Variants in PUS10 observed in about 807,000 individuals in gnomAD.
The protein encoded by PUS10 is pseudouridine synthase 10.
A neutral mutation model predicts 75.0 loss-of-function variants in PUS10; 59 were observed. That is an observed-to-expected ratio of 0.79 (90% CI 0.64 to 0.98). The LOEUF is 0.98. Ranked by LOEUF, PUS10 falls within the 50% of genes least tolerant of loss-of-function variation. The probability of loss-of-function intolerance (pLI) is 0.00; values close to 1 mark genes in which losing one functional copy is unlikely to be tolerated. For missense variants in PUS10, 650 were observed against 614.4 expected (o/e 1.06, Z -0.61); for synonymous variants, 219 against 211.6 (o/e 1.03, Z -0.30).
chr2:60,991,205 T>C (rs1012445994), intron 4 of PUS10, among the ~76,000 whole-genome samples: 4 of 151,962 alleles, frequency 2.6e-5, no homozygotes, highest in Non-Finnish European at 5.9e-5. Flanking sequence ...AAACAAAAAC[T>C]AAACTAAAGG....
chr2:60,944,193 G>T, intron 17 of PUS10: 1 of 982,292 alleles, frequency 1.0e-6, no homozygotes, highest in South Asian at 4.7e-5. Context: ...CCAAATGATA[G>T]TTTCACTGAA....
intron 4 of PUS10, among the ~76,000 whole-genome samples, chr2:61,001,289 C>A (rs556812402): frequency 6.9e-6 from 1 of 144,218 alleles, no homozygotes; most frequent in Admixed American, 6.9e-5. Context: ...TAAGCCACCT[C>A]TTCTTTTTTT....
chr2:60,942,718 T>G (rs1400853974), intron 17 of PUS10, among the ~76,000 whole-genome samples: 1 of 152,110 alleles, frequency 6.6e-6, no homozygotes, highest in African/African-American at 2.4e-5. Flanking sequence ...AAATGGTATT[T>G]ATGGGGCCAG....
intron 4 of PUS10, among the ~76,000 whole-genome samples, chr2:61,005,249 G>A (rs891083231): frequency 1.3e-5 from 2 of 152,032 alleles, no homozygotes; most frequent in Admixed American, 6.6e-5. Flanking sequence ...CAACAAGAAC[G>A]AAACTCCGTC....
chr2:60,982,662 T>G (rs959518754), intron 4 of PUS10, among the ~76,000 whole-genome samples: 1 of 152,116 alleles, frequency 6.6e-6, no homozygotes, highest in Non-Finnish European at 1.5e-5. Flanking sequence ...TAACAACATT[T>G]CAAGAAACAA....
chr2:60,980,737 T>TTA (rs749265447), intron 4 of PUS10, among the ~76,000 whole-genome samples: 5 of 152,190 alleles, frequency 3.3e-5, no homozygotes, highest in African/African-American at 1.2e-4. Context: ...TAAAATGTAA[T>TTA]TATATATATA....
intron 4 of PUS10, among the ~76,000 whole-genome samples, chr2:60,972,539 TTC>T (rs1222160079): frequency 6.6e-6 from 1 of 152,120 alleles, no homozygotes; most frequent in Non-Finnish European, 1.5e-5. Context: ...ACACTGAGAT[TTC>T]TGTTTCCTGT....
At position 60,941,181 on chromosome 2, in the gene PUS10, A is replaced by C. The variant is rs554366813; in HGVS notation, c.*1214T>G. The C allele has an allele frequency of 5.7e-4, 87 of 152,318 alleles. No homozygotes were observed. The highest frequency in any genetic ancestry group is 1.8e-3 in the Admixed American group (27 of 15,296). The allele number at this position is 152,318 out of a possible 1,614,324, so 9.4% of individuals were successfully genotyped here. On this transcript the variant is annotated 3_prime_UTR_variant, in exon 18 of 18. Transcript: ENST00000316752. ...CTTAAATGACCCATTCATTTTTTTT[A>C]GGTTTAGCTTAATGTTTTTCCTCTT...
intron 4 of PUS10, among the ~76,000 whole-genome samples, chr2:61,005,756 C>T (rs1033239933): frequency 4.6e-5 from 7 of 152,192 alleles, no homozygotes; most frequent in Admixed American, 3.9e-4. Flanking sequence ...TCATTCTACC[C>T]TTTTTCGTTT....
chr2:60,978,195 G>A (rs1272267553), intron 4 of PUS10, among the ~76,000 whole-genome samples: 2 of 151,990 alleles, frequency 1.3e-5, no homozygotes, highest in African/African-American at 2.4e-5. Context: ...GCTGAGGAGG[G>A]TGGATCACCT....
At chr2:61,000,553 C>G (rs1678786871) in intron 4 of PUS10, among the ~76,000 whole-genome samples, 1 of 152,160 alleles carries the variant, frequency 6.6e-6, no homozygotes, top group African/African-American at 2.4e-5. Context: ...CCTTTTCTAG[C>G]TTCAGAAGAA....
In PUS10 at chr2:60,940,905, A is replaced by G. The variant is rs1674595331; in HGVS notation, c.*1490T>C. ...TTGCTGTTATTTGCATATCAAACAC[A>G]TGGTTTCAACGTGGTATGAAACTAT... On this transcript the variant is annotated 3_prime_UTR_variant, in exon 18 of 18. Coordinates refer to ENST00000316752, the MANE Select transcript of PUS10 (RefSeq NM_144709.4). 1 of 152,318 alleles carries G rather than the reference A, an allele frequency of 6.6e-6. No individual in the cohort carries two copies. Among genetic ancestry groups the G allele is most frequent in the Non-Finnish European group, 1.5e-5 (1 of 68,020 alleles). 9.4% of individuals were successfully genotyped at this position (152,318 alleles called of 1,614,324 possible).
rs187837941 is a variant in PUS10, at chr2:60,958,514, G to A, written c.1000+1878C>T. On this transcript the variant is annotated intron_variant, in intron 11 of 17. Transcript: ENST00000316752. ...GTCAGCCATGTCTCATCTAGACCAT[G>A]TGTTTGTCATTATCAAAGCATGCTT... Among the ~76,000 whole-genome samples the A allele has an allele frequency of 7.2e-5, 11 of 152,290 alleles. No homozygotes were observed. In the East Asian group the frequency reaches 1.9e-3, roughly 27 times the overall value.
chr2:61,007,679 G>A (rs1252508081), intron 3 of PUS10, among the ~76,000 whole-genome samples: 3 of 145,348 alleles, frequency 2.1e-5, no homozygotes, highest in Admixed American at 1.4e-4. Flanking sequence ...TGAGGCAAGA[G>A]AATCATTTGA....
chr2:60,961,394 G>A (rs1419159752), intron 10 of PUS10, 69 bp downstream of exon 10: 7 of 1,078,532 alleles, frequency 6.5e-6, no homozygotes, highest in Non-Finnish European at 1.0e-5. Flanking sequence ...AATAGAACAG[G>A]AGTCAGCTGA....
At chr2:61,015,886 A>C (rs1679944981) in intron 1 of PUS10, among the ~76,000 whole-genome samples, 1 of 152,140 alleles carries the variant, frequency 6.6e-6, no homozygotes, top group South Asian at 2.1e-4. Flanking sequence ...TTTCTGTTTC[A>C]CCTGTTACTC....
At chr2:60,974,883 G>A (rs139266977) in intron 4 of PUS10, among the ~76,000 whole-genome samples, 101 of 152,346 alleles carry the variant, frequency 6.6e-4, no homozygotes, top group African/African-American at 2.3e-3. Context: ...GTGCCAGGCC[G>A]AGTGGACAGA....
intron 15 of PUS10, 121 bp from the exon 16 acceptor site, chr2:60,948,306 G>A (rs1273094392): frequency 2.2e-6 from 2 of 923,688 alleles, no homozygotes; most frequent in East Asian, 2.4e-5. Context: ...GAACTAAAAT[G>A]AATTGTGTCC....
chr2:61,011,892 T>A lies in PUS10; in HGVS notation c.-2A>T. ...GTTTTCCTCAGTCAGTGGGAACATA[T>A]TGAATAATTATAACTAGAAAGAAAA... On this transcript the variant is annotated 5_prime_UTR_variant, in exon 2 of 18. Transcript: ENST00000316752. The A allele has an allele frequency of 6.3e-7, 1 of 1,595,438 alleles. No homozygotes were observed.
Sources: gnomAD v4.1 joint callset for allele counts (sites outside exome capture counted in the v4.1 genomes callset) on GRCh38, gnomAD v4.1.1 for gene constraint, MANE v1.5 for transcripts, NCBI Gene and HGNC (gene_info 2026-07-23, HGNC 2026-07-21) for gene names.